The following FBP2 variants were observed in gnomAD, a reference collection of about 807,000 sequenced individuals.
The protein encoded by FBP2 is fructose-1,6-bisphosphatase isozyme 2.
In FBP2, 27 loss-of-function variants were observed where a neutral mutation model predicts 31.6. The observed-to-expected ratio is 0.85, with a 90% CI of 0.63 to 1.18. FBP2 has a LOEUF of 1.18. FBP2 is among the 50% of genes most tolerant of loss of function. The pLI is 0.00. For missense variants in FBP2, 421 were observed against 436.1 expected, an observed-to-expected ratio of 0.97 and a Z score of 0.31; for synonymous variants, 168 against 179.8, an observed-to-expected ratio of 0.93 and a Z score of 0.53.
chr9:94,563,223 T>C, intron 6 of FBP2, 119 bp downstream of exon 6: 2 of 1,167,818 alleles, frequency 1.7e-6, no homozygotes, highest in African/African-American at 1.6e-5. Context: ...TTTCCTCCCC[T>C]GCCCATCCCC....
chr9:94,559,681 C>G (rs907319461), intron 6 of FBP2, among the ~76,000 whole-genome samples: 1 of 151,988 alleles, frequency 6.6e-6, no homozygotes. Flanking sequence ...GTCTTTTGAC[C>G]CTTAGACTAA....
intron 3 of FBP2, among the ~76,000 whole-genome samples, chr9:94,582,384 G>A (rs1310830660): frequency 2.4e-5 from 3 of 122,536 alleles, no homozygotes; most frequent in Non-Finnish European, 5.3e-5. Flanking sequence ...GTGTGTGTGT[G>A]TGTATAGTTT....
chr9:94,591,819 G>C (rs1827506888), intron 1 of FBP2, among the ~76,000 whole-genome samples: 1 of 152,106 alleles, frequency 6.6e-6, no homozygotes, highest in Non-Finnish European at 1.5e-5. Context: ...GGAATCTAAG[G>C]TCCTAGCAAG....
chr9:94,580,977 G>A lies in FBP2; in HGVS notation c.426+3600C>T, dbSNP rs143727861. 2.6e-5 allele frequency among the ~76,000 whole-genome samples: 4 copies of A among 152,246 alleles called. No individual in the cohort carries two copies. The East Asian group carries it at 7.7e-4, about 29-fold the overall frequency. On this transcript the variant is annotated intron_variant, in intron 3 of 6. Transcript: ENST00000375337. ...AGTCACCTGCTTTAATGAGACACAA[G>A]GACAGCCTTGTAGTCAAAACCAGTA...
At chr9:94,587,866 T>TG (rs1010024719) in intron 1 of FBP2, among the ~76,000 whole-genome samples, 1 of 152,026 alleles carries the variant, frequency 6.6e-6, no homozygotes, top group African/African-American at 2.4e-5. Context: ...CTTTTTTTTT[T>TG]GAAACGGAGT....
At chr9:94,581,594 G>A (rs560347774) in intron 3 of FBP2, among the ~76,000 whole-genome samples, 2 of 152,138 alleles carry the variant, frequency 1.3e-5, no homozygotes, top group African/African-American at 2.4e-5. Context: ...CCCTGGGAAG[G>A]TAACCATACC....
intron 1 of FBP2, 130 bp downstream of exon 1, chr9:94,593,427 G>A (rs566572087): frequency 2.6e-6 from 2 of 775,356 alleles, no homozygotes; most frequent in Non-Finnish European, 3.8e-6. Flanking sequence ...AACTTGAAAT[G>A]CAGCTTCCAT....
chr9:94,581,291 C>T (rs1827370200), intron 3 of FBP2, among the ~76,000 whole-genome samples: 1 of 152,228 alleles, frequency 6.6e-6, no homozygotes, highest in South Asian at 2.1e-4. Flanking sequence ...CCTCCAAATC[C>T]AGGACGGACA....
chr9:94,567,163 A>G, intron 5 of FBP2, 107 bp downstream of exon 5: 1 of 1,139,586 alleles, frequency 8.8e-7, no homozygotes, highest in Non-Finnish European at 1.3e-6. Context: ...CCACAGCCAT[A>G]AACAGTGGCA....
At chr9:94,563,885 A>C (rs566953783) in intron 5 of FBP2, among the ~76,000 whole-genome samples, 3 of 152,354 alleles carry the variant, frequency 2.0e-5, no homozygotes, top group African/African-American at 7.2e-5. Flanking sequence ...AGTTCAAAAA[A>C]GACGAAAAGG....
chr9:94,562,874 A>G (rs1430618526), intron 6 of FBP2, among the ~76,000 whole-genome samples: 1 of 152,210 alleles, frequency 6.6e-6, no homozygotes, highest in Non-Finnish European at 1.5e-5. Context: ...GAAATTCTCT[A>G]GGGGATACTT....
intron 3 of FBP2, among the ~76,000 whole-genome samples, chr9:94,579,461 T>G (rs1274433060): frequency 6.7e-6 from 1 of 148,710 alleles, no homozygotes; most frequent in Non-Finnish European, 1.5e-5. Flanking sequence ...ATGACTGATA[T>G]CTAAAGAAAC....
intron 3 of FBP2, among the ~76,000 whole-genome samples, chr9:94,575,777 CT>C (rs571995855): frequency 1.3e-5 from 2 of 152,288 alleles, no homozygotes; most frequent in South Asian, 4.1e-4. Context: ...TATGCTTAGT[CT>C]TTTTAGATTT....
intron 3 of FBP2, among the ~76,000 whole-genome samples, chr9:94,579,511 A>G (rs1827354250): frequency 6.6e-6 from 1 of 152,138 alleles, no homozygotes. Flanking sequence ...CATGTCATAA[A>G]TGGTTTGTAT....
chr9:94,568,157 T>C (rs1274081925), intron 4 of FBP2: 3 of 151,762 alleles, frequency 2.0e-5, no homozygotes, highest in East Asian at 3.9e-4. Context: ...GGTACAGTTA[T>C]TTTGTTTATG....
intron 6 of FBP2, 97 bp from the exon 7 acceptor site, chr9:94,559,229 T>C: frequency 9.9e-7 from 1 of 1,005,796 alleles, no homozygotes; most frequent in Non-Finnish European, 1.5e-6. Flanking sequence ...ACTGCGGTGC[T>C]TCCATCTGGC....
intron 5 of FBP2, among the ~76,000 whole-genome samples, chr9:94,564,847 A>G (rs950035949): frequency 1.2e-4 from 19 of 152,216 alleles, no homozygotes; most frequent in African/African-American, 4.8e-5. Flanking sequence ...CCTGCATCAT[A>G]GGAATATGTT....
At chr9:94,567,459 C>G in intron 4 of FBP2, 52 bp from the exon 5 acceptor site, 1 of 1,578,688 alleles carries the variant, frequency 6.3e-7, no homozygotes, top group Admixed American at 1.7e-5. Flanking sequence ...AGGAAACAAG[C>G]CAACCGCACA....
chr9:94,580,711 G>A (rs1472660226), intron 3 of FBP2, among the ~76,000 whole-genome samples: 2 of 152,120 alleles, frequency 1.3e-5, no homozygotes, highest in Non-Finnish European at 2.9e-5. Flanking sequence ...ATCACCACTA[G>A]GTTTTAAAAT....
Sources: allele counts gnomAD v4.1 joint callset (sites outside exome capture counted in the v4.1 genomes callset), GRCh38; gene constraint gnomAD v4.1.1; transcripts MANE v1.5; gene names NCBI Gene and HGNC (gene_info 2026-07-23, HGNC 2026-07-21).